The following HSPBAP1 variants were observed in gnomAD, a reference collection of about 807,000 sequenced individuals.
HSPBAP1 encodes the protein HSPB1 associated protein 1.
HSPBAP1 carries 27 observed loss-of-function variants against 45.2 expected under a neutral mutation model. That is an observed-to-expected ratio of 0.60 (90% CI 0.44 to 0.82). The LOEUF (loss-of-function observed/expected upper bound fraction) is 0.82, where lower values mean the gene tolerates loss of function less well. Ranked by LOEUF, HSPBAP1 falls within the 40% of genes least tolerant of loss-of-function variation. The pLI is 0.00. For missense variants in HSPBAP1, 510 were observed against 590.9 expected (o/e 0.86, Z 1.42); for synonymous variants, 204 against 202.7 (o/e 1.01, Z -0.06).
intron 6 of HSPBAP1, among the ~76,000 whole-genome samples, chr3:122,750,489 C>T (rs1392021292): frequency 1.3e-5 from 2 of 151,168 alleles, no homozygotes; most frequent in Non-Finnish European, 3.0e-5. Context: ...TTTTTAAACA[C>T]ATGAATTAGA....
At chr3:122,766,824 A>T (rs933560608) in intron 3 of HSPBAP1, among the ~76,000 whole-genome samples, 1 of 152,190 alleles carries the variant, frequency 6.6e-6, no homozygotes, top group Non-Finnish European at 1.5e-5. Flanking sequence ...TTTGGGTCTC[A>T]TTTTTCTTAA....
At chr3:122,787,286 A>G (rs958907988) in intron 1 of HSPBAP1, among the ~76,000 whole-genome samples, 2 of 152,210 alleles carry the variant, frequency 1.3e-5, no homozygotes, top group Admixed American at 1.3e-4. Context: ...GTAATTTTTT[A>G]AAATTAATGT....
intron 6 of HSPBAP1, chr3:122,741,359 G>C (rs1576227979): frequency 2.2e-6 from 1 of 449,774 alleles, no homozygotes. Flanking sequence ...ATGGCCTTAA[G>C]TATGAATCAC....
intron 6 of HSPBAP1, among the ~76,000 whole-genome samples, chr3:122,745,916 G>A (rs1933831290): frequency 6.6e-6 from 1 of 152,200 alleles, no homozygotes; most frequent in African/African-American, 2.4e-5. Context: ...TGCAAAAGCT[G>A]CAGCCACAGT....
At chr3:122,787,441 C>T (rs984560480) in intron 1 of HSPBAP1, among the ~76,000 whole-genome samples, 3 of 151,978 alleles carry the variant, frequency 2.0e-5, no homozygotes, top group African/African-American at 4.8e-5. Context: ...CAGGACACTC[C>T]GAATATTAAC....
intron 5 of HSPBAP1, chr3:122,753,317 G>T: frequency 2.1e-6 from 1 of 487,278 alleles, no homozygotes; most frequent in Non-Finnish European, 2.7e-6. Flanking sequence ...ATAGCAAGTA[G>T]GTCAGTCTTA....
chr3:122,744,215 A>G (rs1933769497), intron 6 of HSPBAP1, among the ~76,000 whole-genome samples: 1 of 152,196 alleles, frequency 6.6e-6, no homozygotes, highest in African/African-American at 2.4e-5. Flanking sequence ...AATACTGATA[A>G]ATACATTTCA....
chr3:122,792,376 T>C (rs1164325453), intron 1 of HSPBAP1, among the ~76,000 whole-genome samples: 8 of 152,214 alleles, frequency 5.3e-5, no homozygotes, highest in African/African-American at 1.4e-4. Context: ...AGGAACGACA[T>C]ACATTCTGGA....
intron 6 of HSPBAP1, among the ~76,000 whole-genome samples, chr3:122,750,016 C>A (rs1934071806): frequency 6.7e-6 from 1 of 150,106 alleles, no homozygotes; most frequent in Non-Finnish European, 1.5e-5. Context: ...CGCTCTGTTG[C>A]CAGGCCAGAG....
chr3:122,793,549 G>A (rs1344054137), intron 1 of HSPBAP1, 68 bp downstream of exon 1: 4 of 1,441,006 alleles, frequency 2.8e-6, no homozygotes, highest in South Asian at 1.1e-5. Context: ...ACGGCCCCAC[G>A]AGGGGTGCCA....
chr3:122,748,163 TAAAC>T (rs1466537789), intron 6 of HSPBAP1, among the ~76,000 whole-genome samples: 1 of 152,212 alleles, frequency 6.6e-6, no homozygotes, highest in Non-Finnish European at 1.5e-5. Context: ...TGTGCTTTGT[TAAAC>T]AGACGCTTGA....
chr3:122,769,618 G>T (rs1175604206), intron 2 of HSPBAP1, among the ~76,000 whole-genome samples: 1 of 152,232 alleles, frequency 6.6e-6, no homozygotes, highest in Non-Finnish European at 1.5e-5. Flanking sequence ...AGGATGTGAT[G>T]TAGATCAGTT....
chr3:122,793,739 A>T lies in HSPBAP1; in HGVS notation c.-59T>A. ...GGCGGAGCGGAGCTGGGGTGGGGTCAGAGTAGGGGCCAAACTCCGAGACCC... is the reference window on the plus strand; with the variant it reads ...GGCGGAGCGGAGCTGGGGTGGGGTCTGAGTAGGGGCCAAACTCCGAGACCC... On this transcript the variant is annotated 5_prime_UTR_variant, in exon 1 of 8. Coordinates refer to ENST00000306103, the MANE Select transcript of HSPBAP1 (RefSeq NM_024610.6). 5.2e-6 allele frequency: 8 copies of T among 1,537,718 alleles called. No homozygotes were observed. The highest frequency in any genetic ancestry group is 6.3e-6 in the Non-Finnish European group (7 of 1,113,738).
chr3:122,784,660 G>A (rs1935596652), intron 1 of HSPBAP1, among the ~76,000 whole-genome samples: 2 of 152,182 alleles, frequency 1.3e-5, no homozygotes, highest in Admixed American at 1.3e-4. Context: ...GTCAGATATG[G>A]TGAAGATGAA....
At chr3:122,786,164 T>C (rs1034846397) in intron 1 of HSPBAP1, among the ~76,000 whole-genome samples, 2 of 152,176 alleles carry the variant, frequency 1.3e-5, no homozygotes, top group Admixed American at 6.5e-5. Flanking sequence ...TGTTATTAAT[T>C]CATAGCTGGT....
At chr3:122,749,907 G>A (rs1198381666) in intron 6 of HSPBAP1, among the ~76,000 whole-genome samples, 1 of 151,712 alleles carries the variant, frequency 6.6e-6, no homozygotes, top group African/African-American at 2.4e-5. Context: ...ACTGCACCCG[G>A]CCAAATTTGA....
At chr3:122,748,144 G>A (rs1216941238) in intron 6 of HSPBAP1, among the ~76,000 whole-genome samples, 2 of 152,212 alleles carry the variant, frequency 1.3e-5, no homozygotes, top group African/African-American at 2.4e-5. Flanking sequence ...GATTAAGGGT[G>A]GTGCAAGATG....
intron 6 of HSPBAP1, among the ~76,000 whole-genome samples, chr3:122,742,903 T>A (rs574631527): frequency 2.4e-4 from 37 of 152,356 alleles, no homozygotes; most frequent in African/African-American, 8.9e-4. Context: ...CAGACATTTC[T>A]ATCTATGTAT....
At chr3:122,764,228 T>C (rs1018230538) in intron 3 of HSPBAP1, among the ~76,000 whole-genome samples, 5 of 152,254 alleles carry the variant, frequency 3.3e-5, no homozygotes, top group African/African-American at 1.2e-4. Context: ...TAATAGGTAT[T>C]TGAATGATTA....
Sources: gnomAD v4.1 joint callset for allele counts (sites outside exome capture counted in the v4.1 genomes callset) on GRCh38, gnomAD v4.1.1 for gene constraint, MANE v1.5 for transcripts, NCBI Gene and HGNC (gene_info 2026-07-23, HGNC 2026-07-21) for gene names.